Variants in PCP4L1 observed in about 807,000 individuals in gnomAD.
The protein encoded by PCP4L1 is Purkinje cell protein 4-like protein 1.
A neutral mutation model predicts 9.6 loss-of-function variants in PCP4L1; 9 were observed. The ratio of observed to expected loss-of-function variants is 0.94; its 90% confidence interval spans 0.57 to 1.64. The LOEUF is 1.64. Among genes scored for constraint, PCP4L1 ranks in the 40% most tolerant of loss-of-function variants. The pLI is 0.00. For missense variants in PCP4L1, 81 were observed against 80.8 expected (o/e 1.00, Z -0.01); for synonymous variants, 31 against 28.2 (o/e 1.10, Z -0.31).
chr1:161,272,892 C>T (rs1366119980), intron 1 of PCP4L1, among the ~76,000 whole-genome samples: 1 of 151,800 alleles, frequency 6.6e-6, no homozygotes, highest in African/African-American at 2.4e-5. Flanking sequence ...GGCAGATAGG[C>T]AAGTGTGTGG....
chr1:161,279,668 G>C (rs775650837), intron 1 of PCP4L1, among the ~76,000 whole-genome samples: 11 of 152,164 alleles, frequency 7.2e-5, no homozygotes, highest in African/African-American at 2.7e-4. Context: ...AAAGCACCCA[G>C]TTTTTGTATT....
chr1:161,280,583 T>C (rs6672568), intron 1 of PCP4L1, among the ~76,000 whole-genome samples: 69,196 of 151,574 alleles, frequency 0.46, 16,138 homozygotes, highest in East Asian at 0.63. Context: ...ATTACAATCA[T>C]GCCCTCCCCT....
intron 1 of PCP4L1, among the ~76,000 whole-genome samples, chr1:161,281,528 C>T (rs1296405902): frequency 6.6e-6 from 1 of 150,842 alleles, no homozygotes; most frequent in Admixed American, 6.6e-5. Context: ...CCCCCCACCT[C>T]CCTCCCGGAC....
chr1:161,258,871 C>T lies in PCP4L1; in HGVS notation c.-104C>T, dbSNP rs1669365900. On this transcript the variant is annotated 5_prime_UTR_variant, in exon 1 of 3. Coordinates refer to ENST00000504449, the MANE Select transcript of PCP4L1 (RefSeq NM_001102566.2). ...CTCCTCTCCTGGTCAGCTGTAACCC[C>T]TGCCGCAGAGCCCGGCAACTTTCAG... The T allele has an allele frequency of 6.7e-7, 1 of 1,490,006 alleles. No individual in the cohort carries two copies. Among genetic ancestry groups the T allele is most frequent in the Non-Finnish European group, 9.0e-7 (1 of 1,105,288 alleles). 92.3% of individuals were successfully genotyped at this position (1,490,006 alleles called of 1,614,324 possible). A position where few individuals can be genotyped will look rare whatever the true frequency, so the allele number is the denominator to read the frequency against.
Position 161,258,825 on chromosome 1 carries a change from C to G in PCP4L1, c.-150C>G. 1 of 1,229,006 alleles carries G rather than the reference C, an allele frequency of 8.1e-7. No individual in the cohort carries two copies. The highest frequency in any genetic ancestry group is 1.1e-6 in the Non-Finnish European group (1 of 873,852). 76.1% of individuals were successfully genotyped at this position (1,229,006 alleles called of 1,614,324 possible). A position where few individuals can be genotyped will look rare whatever the true frequency, so the allele number is the denominator to read the frequency against. On this transcript the variant is annotated 5_prime_UTR_variant, in exon 1 of 3. Transcript: ENST00000504449. ...AGAATCCCGGGTGCCAGCACCAGAG[C>G]AGCGGCTCTCCGCACTAACTCTCCT...
chr1:161,271,417 GT>G (rs1669624327), intron 1 of PCP4L1, among the ~76,000 whole-genome samples: 2 of 152,226 alleles, frequency 1.3e-5, no homozygotes, highest in Admixed American at 6.5e-5. Context: ...AGATTTAAAA[GT>G]TCTTTCAATA....
chr1:161,284,278 T>C, intron 2 of PCP4L1, 61 bp from the exon 3 acceptor site: 2 of 1,610,104 alleles, frequency 1.2e-6, no homozygotes. Context: ...ATTGGGGGCC[T>C]GGAGAAAGGG....
intron 1 of PCP4L1, among the ~76,000 whole-genome samples, chr1:161,265,732 CTTTTTTTT>C (rs869123262): frequency 0.012 from 953 of 76,742 alleles, 12 homozygotes; most frequent in Middle Eastern, 0.023. Context: ...TCCAAAACCA[CTTTTTTTT>C]TTTTTTTTTT....
Position 161,284,634 on chromosome 1 carries a change from C to T in PCP4L1, c.*153C>T. 9.8e-7 allele frequency: 1 copy of T among 1,024,344 alleles called. No individual in the cohort carries two copies. The highest frequency in any genetic ancestry group is 2.6e-5 in the East Asian group (1 of 38,238). 63.5% of individuals were successfully genotyped at this position (1,024,344 alleles called of 1,614,324 possible). On this transcript the variant is annotated 3_prime_UTR_variant, in exon 3 of 3. Coordinates refer to ENST00000504449, the MANE Select transcript of PCP4L1 (RefSeq NM_001102566.2). The stretch of plus-strand genomic sequence containing the variant: ...TGTATCTGGCCCCCTCAAGCCATCA[C>T]AGAAGTAGAGGCACAAGAGAGGTGG...
chr1:161,263,306 C>T (rs1053862395), intron 1 of PCP4L1, among the ~76,000 whole-genome samples: 7 of 152,024 alleles, frequency 4.6e-5, no homozygotes, highest in Admixed American at 6.6e-5. Context: ...TGGTGAATCT[C>T]GGCTCGCTGC....
chr1:161,270,166 G>T (rs372852944), intron 1 of PCP4L1, among the ~76,000 whole-genome samples: 1 of 151,832 alleles, frequency 6.6e-6, no homozygotes, highest in Admixed American at 6.6e-5. Flanking sequence ...GCATGGTGGT[G>T]CATGCCTGTA....
chr1:161,262,290 C>G (rs958408224), intron 1 of PCP4L1, among the ~76,000 whole-genome samples: 7 of 151,782 alleles, frequency 4.6e-5, no homozygotes, highest in Non-Finnish European at 1.0e-4. Context: ...AAAAATTAGC[C>G]AGGCATGGTG....
chr1:161,264,081 T>C (rs1669466619), intron 1 of PCP4L1, among the ~76,000 whole-genome samples: 1 of 151,720 alleles, frequency 6.6e-6, no homozygotes, highest in Non-Finnish European at 1.5e-5. Context: ...GGGTAATTTT[T>C]GTATTTTTTT....
intron 1 of PCP4L1, among the ~76,000 whole-genome samples, chr1:161,266,922 G>GT (rs1015437834): frequency 1.3e-5 from 2 of 152,128 alleles, no homozygotes; most frequent in African/African-American, 2.4e-5. Context: ...CCTCTATAAG[G>GT]TTTTTTAGCA....
At chr1:161,272,607 A>G (rs571013186) in intron 1 of PCP4L1, among the ~76,000 whole-genome samples, 7 of 151,452 alleles carry the variant, frequency 4.6e-5, no homozygotes, top group South Asian at 2.1e-4. Flanking sequence ...GACAATTCCT[A>G]TTGTCCGAGA....
At chr1:161,268,061 A>C (rs1337542791) in intron 1 of PCP4L1, among the ~76,000 whole-genome samples, 1 of 152,162 alleles carries the variant, frequency 6.6e-6, no homozygotes, top group Non-Finnish European at 1.5e-5. Flanking sequence ...AATCATTTTC[A>C]TGACACAAAA....
At chr1:161,273,728 A>G (rs1010893132) in intron 1 of PCP4L1, among the ~76,000 whole-genome samples, 5 of 152,218 alleles carry the variant, frequency 3.3e-5, no homozygotes, top group Non-Finnish European at 5.9e-5. Context: ...CAGGGTGATT[A>G]GATCAATTAG....
intron 1 of PCP4L1, among the ~76,000 whole-genome samples, chr1:161,281,781 CCCGGACGGGGCGGCGGGGCAGAGGCG>C: frequency 3.7e-5 from 1 of 26,954 alleles, no homozygotes; most frequent in African/African-American, 4.2e-4. Flanking sequence ...CTCCTCACAT[CCCGGACGGGGCGGCGGGGCAGAGGCG>C]CTCCTCACAT....
rs1204919439 is a variant in PCP4L1 at position 161,283,722 on chromosome 1, G to A, written c.64G>A (p.Gly22Arg). The A allele has an allele frequency of 6.2e-7, 1 of 1,605,220 alleles. No homozygotes were observed. Among genetic ancestry groups the A allele is most frequent in the Non-Finnish European group, 8.5e-7 (1 of 1,175,518 alleles). Residue 22 changes from glycine (G) to arginine (R), a missense_variant and splice_region_variant, in exon 2 of 3, where the codon GGA (glycine) becomes AGA (arginine). Transcript: ENST00000504449. ...TNQAAGQEEK[G>R]KAGNVKKAEE... ...CCAGGCAGCTGGCCAAGAGGAAAAA[G>A]GTGAGTGGGGTTGGGCTAGGCAGTT...
Sources: gnomAD v4.1 joint callset for allele counts (sites outside exome capture counted in the v4.1 genomes callset) on GRCh38, gnomAD v4.1.1 for gene constraint, MANE v1.5 for transcripts, NCBI Gene and HGNC (gene_info 2026-07-23, HGNC 2026-07-21) for gene names.